The following MEGF9 variants were observed in gnomAD, a reference collection of about 807,000 sequenced individuals.
MEGF9 encodes the protein multiple epidermal growth factor-like domains protein 9.
MEGF9 carries 6 observed loss-of-function variants against 46.8 expected under a neutral mutation model. That is an observed-to-expected ratio of 0.13 (90% CI 0.07 to 0.25). The LOEUF (loss-of-function observed/expected upper bound fraction) is 0.25, where lower values mean the gene tolerates loss of function less well. Ranked by LOEUF, MEGF9 falls within the 10% of genes least tolerant of loss-of-function variation. The pLI is 1.00. For synonymous variants in MEGF9, 302 were observed against 330.7 expected (o/e 0.91, Z 0.94); for missense variants, 683 against 792.4 (o/e 0.86, Z 1.66).
chr9:120,608,029 A>G lies in MEGF9; in HGVS notation c.1088-19T>C, dbSNP rs189044058. On this transcript the variant is annotated intron_variant, in intron 4 of 5. Transcript: ENST00000373930. Reference sequence around the variant, plus strand: ...CTCGATTCTAAAAGAGAGAATGCCAAAATAGTTTAGTACAGTCTGAAGCTA... The same window carrying G: ...CTCGATTCTAAAAGAGAGAATGCCAGAATAGTTTAGTACAGTCTGAAGCTA... 9.3e-6 allele frequency: 15 copies of G among 1,612,814 alleles called. No homozygotes were observed. The highest frequency in any genetic ancestry group is 1.3e-5 in the African/African-American group (1 of 75,042).
At chr9:120,710,783 A>G (rs780226691) in intron 1 of MEGF9, among the ~76,000 whole-genome samples, 7 of 152,256 alleles carry the variant, frequency 4.6e-5, no homozygotes, top group South Asian at 2.1e-4. Context: ...AAATTCAATT[A>G]TAAGTTTTCC....
Position 120,602,964 on chromosome 9 carries a change from G to A in MEGF9, c.*2226C>T, listed in dbSNP as rs891792478. Reference sequence around the variant, plus strand: ...TAATCACTAATACTAACTTCAGTTAGTAAATCTTCTTGTGTTCTTTTCACT... The same window carrying A: ...TAATCACTAATACTAACTTCAGTTAATAAATCTTCTTGTGTTCTTTTCACT... On this transcript the variant is annotated 3_prime_UTR_variant, in exon 6 of 6. Transcript: ENST00000373930. 1 of 152,120 alleles carries A rather than the reference G, an allele frequency of 6.6e-6. No homozygotes were observed. Among genetic ancestry groups the A allele is most frequent in the Non-Finnish European group, 1.5e-5 (1 of 68,022 alleles). The allele number at this position is 152,120 out of a possible 1,614,324, so 9.4% of individuals were successfully genotyped here.
At chr9:120,630,983 G>A (rs2043548296) in intron 2 of MEGF9, among the ~76,000 whole-genome samples, 1 of 152,168 alleles carries the variant, frequency 6.6e-6, no homozygotes, top group South Asian at 2.1e-4. Context: ...TTTTTTAACT[G>A]GATCCGATCC....
At position 120,673,969 on chromosome 9, in the gene MEGF9, C is replaced by CAA. The variant is rs35650740; in HGVS notation, c.602-14396_602-14395dup. Among the ~76,000 whole-genome samples, 246 of 101,354 alleles carry CAA rather than the reference C, an allele frequency of 2.4e-3. 5 individuals carry two copies. The highest frequency in any genetic ancestry group is 0.01 in the East Asian group (36 of 3,444). The allele number at this position is 101,354 out of a possible 152,430, so 66.5% of individuals were successfully genotyped here. A position where few individuals can be genotyped will look rare whatever the true frequency, so the allele number is the denominator to read the frequency against. ...TGGGCAACAGAGTGAGACTCCGTCT[C>CAA]AAAAAAAAAAAAAAAAAAAATTAAC... On this transcript the variant is annotated intron_variant, in intron 1 of 5. Coordinates refer to ENST00000373930, the MANE Select transcript of MEGF9 (RefSeq NM_001080497.3).
intron 1 of MEGF9, among the ~76,000 whole-genome samples, chr9:120,709,914 T>G (rs955531767): frequency 1.3e-5 from 2 of 150,254 alleles, no homozygotes; most frequent in African/African-American, 4.9e-5. Context: ...CCAGGCATGG[T>G]GGTGCGCACC....
intron 2 of MEGF9, among the ~76,000 whole-genome samples, chr9:120,640,913 G>A (rs1178160152): frequency 8.0e-6 from 1 of 125,700 alleles, no homozygotes; most frequent in Non-Finnish European, 1.5e-5. Context: ...TTATGTCCAT[G>A]TGTACTCAAT....
rs147041633 is a variant in MEGF9, at chr9:120,630,513, T to C, written c.804-7758A>G. Among the ~76,000 whole-genome samples the C allele has an allele frequency of 9.2e-5, 14 of 152,366 alleles. No individual in the cohort carries two copies. In the East Asian group the frequency reaches 2.7e-3, roughly 29 times the overall value. On this transcript the variant is annotated intron_variant, in intron 2 of 5. Transcript: ENST00000373930. Reference sequence around the variant, plus strand: ...TTTGGCATACTAACTTCCTTTCCTATAGATATACACCCAGTAGAGGGATTG... The same window carrying C: ...TTTGGCATACTAACTTCCTTTCCTACAGATATACACCCAGTAGAGGGATTG...
intron 2 of MEGF9, among the ~76,000 whole-genome samples, chr9:120,626,278 G>A (rs898043571): frequency 2.6e-5 from 4 of 152,152 alleles, no homozygotes; most frequent in African/African-American, 9.7e-5. Context: ...ATTCATAAAC[G>A]AAGCATAAGC....
Position 120,607,918 on chromosome 9 carries a change from C to T in MEGF9, c.1180G>A (p.Asp394Asn). Residue 394 changes from aspartate to asparagine, a missense_variant, in exon 5 of 6, where the codon GAC (aspartate) becomes AAC (asparagine). This residue lies in a region of MEGF9 where 313 missense variants were observed against 421.1 expected (regional missense o/e 0.74). Transcript: ENST00000373930. ...CATTGGCACTTTCTACAGATGCTGT[C>T]AAAATTGTAATAGCCATTTTCACAT... The part of the protein sequence containing the change: ...NKCENGYYNF[D>N]SICRKCQCHG... 1 of 1,613,926 alleles carries T rather than the reference C, an allele frequency of 6.2e-7. No homozygotes were observed. Among genetic ancestry groups the T allele is most frequent in the Non-Finnish European group, 8.5e-7 (1 of 1,179,866 alleles).
At chr9:120,673,435 A>C (rs946707681) in intron 1 of MEGF9, among the ~76,000 whole-genome samples, 3 of 152,176 alleles carry the variant, frequency 2.0e-5, no homozygotes, top group Non-Finnish European at 4.4e-5. Context: ...AAGCTATAGT[A>C]ATCAAGACAT....
intron 2 of MEGF9, among the ~76,000 whole-genome samples, chr9:120,656,154 GTA>G (rs2043675749): frequency 6.6e-6 from 1 of 152,156 alleles, no homozygotes; most frequent in Non-Finnish European, 1.5e-5. Context: ...GGCAGCTTTA[GTA>G]TATAAAATTA....
chr9:120,631,779 C>G lies in MEGF9; in HGVS notation c.804-9024G>C, dbSNP rs531887805. 5.9e-5 allele frequency among the ~76,000 whole-genome samples: 9 copies of G among 152,248 alleles called. No individual in the cohort carries two copies. In the South Asian group the frequency reaches 1.9e-3, roughly 32 times the overall value. ...GCATTACAGGTATAAGCCACTGTGC[C>G]CGGCCCTGTATTTTCTATTTCTGTG... On this transcript the variant is annotated intron_variant, in intron 2 of 5. Coordinates refer to ENST00000373930, the MANE Select transcript of MEGF9 (RefSeq NM_001080497.3).
At chr9:120,625,264 T>C (rs554531665) in intron 2 of MEGF9, among the ~76,000 whole-genome samples, 73 of 152,350 alleles carry the variant, frequency 4.8e-4, no homozygotes, top group African/African-American at 1.6e-3. Flanking sequence ...GGAATTGCAA[T>C]ACAGAAAGAG....
intron 1 of MEGF9, among the ~76,000 whole-genome samples, chr9:120,679,046 C>T (rs375458159): frequency 9.5e-4 from 145 of 152,232 alleles, no homozygotes; most frequent in African/African-American, 3.3e-3. Flanking sequence ...ACTAGTTCAA[C>T]GATTTTAGAA....
chr9:120,651,149 G>A lies in MEGF9; in HGVS notation c.803+8225C>T, dbSNP rs757380164. ...TTCATCAAAGGGCTGGTCCTTTCAT[G>A]CTCTAATTTCTACTACGCCAAAACT... On this transcript the variant is annotated intron_variant, in intron 2 of 5. Transcript: ENST00000373930. Among the ~76,000 whole-genome samples the A allele has an allele frequency of 1.5e-4, 23 of 152,174 alleles. 1 individual carries two copies. Among genetic ancestry groups the A allele is most frequent in the Non-Finnish European group, 2.5e-4 (17 of 68,034 alleles).
chr9:120,704,136 C>T (rs978876852), intron 1 of MEGF9, among the ~76,000 whole-genome samples: 3 of 152,052 alleles, frequency 2.0e-5, no homozygotes, highest in Admixed American at 6.6e-5. Context: ...AAGTTCAAGA[C>T]CAACCTGGCC....
intron 3 of MEGF9, among the ~76,000 whole-genome samples, chr9:120,619,937 G>A (rs1466428503): frequency 2.0e-5 from 3 of 152,076 alleles, no homozygotes; most frequent in Admixed American, 6.5e-5. Context: ...CCACCAGAGG[G>A]CAACCTTATC....
intron 1 of MEGF9, among the ~76,000 whole-genome samples, chr9:120,706,655 C>T (rs1394990566): frequency 1.3e-5 from 2 of 152,158 alleles, no homozygotes; most frequent in South Asian, 2.1e-4. Flanking sequence ...GGCAACATGG[C>T]AAAATCCCAA....
At chr9:120,709,617 C>G (rs919694693) in intron 1 of MEGF9, among the ~76,000 whole-genome samples, 1 of 152,128 alleles carries the variant, frequency 6.6e-6, no homozygotes, top group Non-Finnish European at 1.5e-5. Context: ...CCCCAACGGG[C>G]AGAGCCAGAT....
Sources: allele counts gnomAD v4.1 joint callset (sites outside exome capture counted in the v4.1 genomes callset), GRCh38; gene constraint gnomAD v4.1.1; regional missense constraint gnomAD v4.1.1; transcripts MANE v1.5; gene names NCBI Gene and HGNC (gene_info 2026-07-23, HGNC 2026-07-21).